The following PRKG1 variants were observed in gnomAD, a reference collection of about 807,000 sequenced individuals.
The protein encoded by PRKG1 is cGMP-dependent protein kinase 1.
A neutral mutation model predicts 88.1 loss-of-function variants in PRKG1; 35 were observed. The observed-to-expected ratio is 0.40, with a 90% CI of 0.30 to 0.53. The LOEUF (loss-of-function observed/expected upper bound fraction) is 0.53, where lower values mean the gene tolerates loss of function less well. Ranked by LOEUF, PRKG1 falls within the 20% of genes least tolerant of loss-of-function variation. PRKG1 has a pLI of 0.59. For missense variants in PRKG1, 540 were observed against 839.8 expected, an observed-to-expected ratio of 0.64 and a Z score of 4.41; for synonymous variants, 303 against 292.5, an observed-to-expected ratio of 1.04 and a Z score of -0.37.
chr10:51,165,677 C>A (rs571948989), intron 2 of PRKG1, among the ~76,000 whole-genome samples: 1 of 152,004 alleles, frequency 6.6e-6, no homozygotes, highest in South Asian at 2.1e-4. Context: ...CACACATAGG[C>A]TCAAAATAAA....
chr10:51,921,976 T>C (rs922111620), intron 5 of PRKG1, among the ~76,000 whole-genome samples: 2 of 151,942 alleles, frequency 1.3e-5, no homozygotes, highest in Non-Finnish European at 2.9e-5. Flanking sequence ...CCAGAATATA[T>C]AGAATTGGTA....
At chr10:51,972,372 G>A (rs1030257250) in intron 5 of PRKG1, among the ~76,000 whole-genome samples, 1 of 152,144 alleles carries the variant, frequency 6.6e-6, no homozygotes, top group African/African-American at 2.4e-5. Flanking sequence ...TGCTGTTCTT[G>A]AGCTGAGTGG....
intron 1 of PRKG1, among the ~76,000 whole-genome samples, chr10:51,075,150 G>T (rs1408873041): frequency 6.6e-6 from 1 of 152,128 alleles, no homozygotes; most frequent in Non-Finnish European, 1.5e-5. Flanking sequence ...ATATACATTC[G>T]TATAAGCCAC....
rs747575628 is a variant in PRKG1 at position 51,956,240 on chromosome 10, G to A, written c.762+48670G>A. ...TTGTTGTATCATTTTGTGGTTTCAA[G>A]TGATATACTTTCCCCATAAGCTCTG... On this transcript the variant is annotated intron_variant, in intron 5 of 17. Transcript: ENST00000373980. Among the ~76,000 whole-genome samples the A allele has an allele frequency of 5.3e-4, 81 of 151,992 alleles. 1 individual carries two copies. Among genetic ancestry groups the A allele is most frequent in the Non-Finnish European group, 9.0e-4 (61 of 67,970 alleles).
At chr10:51,968,490 T>A (rs904915236) in intron 5 of PRKG1, among the ~76,000 whole-genome samples, 1 of 152,086 alleles carries the variant, frequency 6.6e-6, no homozygotes, top group Non-Finnish European at 1.5e-5. Context: ...AATTCCTGTG[T>A]GTGCTGAGTG....
intron 3 of PRKG1, among the ~76,000 whole-genome samples, chr10:51,747,955 A>G (rs1433598143): frequency 6.6e-6 from 1 of 152,198 alleles, no homozygotes; most frequent in African/African-American, 2.4e-5. Flanking sequence ...TGTACAGATT[A>G]TAAACTTGAG....
chr10:51,502,838 T>G (rs1164509405), intron 3 of PRKG1, among the ~76,000 whole-genome samples: 1 of 152,156 alleles, frequency 6.6e-6, no homozygotes, highest in African/African-American at 2.4e-5. Flanking sequence ...ATGAACAAAC[T>G]AAATTACAAT....
At chr10:51,092,345 C>A (rs2131866496) in intron 1 of PRKG1, among the ~76,000 whole-genome samples, 2 of 152,278 alleles carry the variant, frequency 1.3e-5, no homozygotes, top group African/African-American at 4.8e-5. Flanking sequence ...TTCAATTAAA[C>A]CTCTCTTTTG....
At chr10:51,734,946 A>T (rs1443798264) in intron 3 of PRKG1, among the ~76,000 whole-genome samples, 1 of 152,218 alleles carries the variant, frequency 6.6e-6, no homozygotes. Flanking sequence ...TAAGTGAAGG[A>T]TTCTGCAGGA....
At chr10:51,732,023 C>T (rs1219211478) in intron 3 of PRKG1, among the ~76,000 whole-genome samples, 3 of 120,148 alleles carry the variant, frequency 2.5e-5, no homozygotes, top group Non-Finnish European at 5.6e-5. Context: ...CCCTCCCTCC[C>T]TTCCTTCCTT....
intron 1 of PRKG1, among the ~76,000 whole-genome samples, chr10:51,092,072 G>T (rs1009389813): frequency 6.6e-6 from 1 of 152,172 alleles, no homozygotes; most frequent in Non-Finnish European, 1.5e-5. Flanking sequence ...TGCAAATTCT[G>T]CCATGAAGTG....
intron 5 of PRKG1, among the ~76,000 whole-genome samples, chr10:51,990,848 G>A (rs550140953): frequency 7.6e-4 from 113 of 148,202 alleles, no homozygotes; most frequent in African/African-American, 2.5e-3. Context: ...TAGTTTGCAA[G>A]GCATGATGGT....
At chr10:51,859,334 A>G (rs1307408129) in intron 4 of PRKG1, among the ~76,000 whole-genome samples, 1 of 150,656 alleles carries the variant, frequency 6.6e-6, no homozygotes, top group Non-Finnish European at 1.5e-5. Flanking sequence ...TTCCAGTGGC[A>G]CCTTAAGCCT....
In PRKG1 at chr10:51,063,583, G is replaced by A. The variant is rs116705724; in HGVS notation, c.266+71939G>A. On this transcript the variant is annotated intron_variant, in intron 1 of 17. Coordinates refer to the PRKG1 transcript ENST00000401604. ...CTTACAAGACCACTGTTGTATATGC[G>A]GTCTATCATTGACAGAAAAGTTATT... Among the ~76,000 whole-genome samples the A allele has an allele frequency of 3.8e-3, 583 of 152,196 alleles. 2 individuals carry two copies. The highest frequency in any genetic ancestry group is 0.013 in the African/African-American group (546 of 41,536).
intron 3 of PRKG1, among the ~76,000 whole-genome samples, chr10:51,553,656 G>A (rs1241404213): frequency 2.0e-5 from 3 of 150,656 alleles, no homozygotes; most frequent in Admixed American, 6.7e-5. Context: ...GCCTCACTGT[G>A]GTTTTCAAGC....
At chr10:51,525,554 C>T (rs940276817) in intron 3 of PRKG1, among the ~76,000 whole-genome samples, 10 of 151,934 alleles carry the variant, frequency 6.6e-5, no homozygotes, top group African/African-American at 2.2e-4. Context: ...AAAAATTAGC[C>T]GGGTGTGGTG....
At chr10:51,779,139 A>T (rs896415806) in intron 3 of PRKG1, among the ~76,000 whole-genome samples, 1 of 152,130 alleles carries the variant, frequency 6.6e-6, no homozygotes, top group Non-Finnish European at 1.5e-5. Flanking sequence ...ATTAAGTGGT[A>T]TGTTTCTGAA....
chr10:51,468,880 C>A (rs1460434833), intron 3 of PRKG1, among the ~76,000 whole-genome samples: 1 of 151,758 alleles, frequency 6.6e-6, no homozygotes, highest in Admixed American at 6.6e-5. Context: ...AATGCACGGC[C>A]AACTGGAGTC....
At chr10:51,924,940 G>A (rs912582629) in intron 5 of PRKG1, among the ~76,000 whole-genome samples, 2 of 137,256 alleles carry the variant, frequency 1.5e-5, no homozygotes, top group Non-Finnish European at 3.1e-5. Context: ...ACCTGTTCTT[G>A]TATGTTGCCT....
Sources: gnomAD v4.1 joint callset for allele counts (sites outside exome capture counted in the v4.1 genomes callset) on GRCh38, gnomAD v4.1.1 for gene constraint, MANE v1.5 for transcripts, NCBI Gene and HGNC (gene_info 2026-07-23, HGNC 2026-07-21) for gene names.